LHFPL3: variants seen among roughly 807,000 people sequenced by gnomAD.
The protein encoded by LHFPL3 is LHFPL tetraspan subfamily member 3, also known as LHFPL tetraspan subfamily member 3 protein.
LHFPL3 carries 5 observed loss-of-function variants against 19.3 expected under a neutral mutation model. The observed-to-expected ratio is 0.26, with a 90% CI of 0.14 to 0.54. LHFPL3 has a LOEUF of 0.54. Among genes scored for constraint, LHFPL3 ranks in the 20% least tolerant of loss-of-function variants. The pLI is 0.94. For synonymous variants in LHFPL3, 133 were observed against 126.2 expected (o/e 1.05, Z -0.36); for missense variants, 249 against 307.4 (o/e 0.81, Z 1.42).
intron 1 of LHFPL3, among the ~76,000 whole-genome samples, chr7:104,645,954 C>T (rs1428961623): frequency 6.6e-6 from 1 of 152,134 alleles, no homozygotes; most frequent in East Asian, 1.9e-4. Flanking sequence ...AAGTACAATA[C>T]ACCTATGCTG....
chr7:104,745,474 T>C (rs1034562482), intron 2 of LHFPL3, among the ~76,000 whole-genome samples: 3 of 152,246 alleles, frequency 2.0e-5, no homozygotes, highest in Admixed American at 1.3e-4. Flanking sequence ...CTAATTAATA[T>C]AGTATGTTTC....
intron 1 of LHFPL3, among the ~76,000 whole-genome samples, chr7:104,375,567 A>G (rs541447303): frequency 5.3e-5 from 8 of 152,214 alleles, no homozygotes; most frequent in Non-Finnish European, 8.8e-5. Context: ...AAAGTAATCA[A>G]AATAGTATAA....
At chr7:104,685,844 C>G (rs1216030724) in intron 1 of LHFPL3, among the ~76,000 whole-genome samples, 1 of 152,314 alleles carries the variant, frequency 6.6e-6, no homozygotes, top group Admixed American at 6.5e-5. Flanking sequence ...TTCCTTCAGG[C>G]TAGTTGTTAA....
At chr7:104,457,958 G>A (rs1312626802) in intron 1 of LHFPL3, among the ~76,000 whole-genome samples, 2 of 141,640 alleles carry the variant, frequency 1.4e-5, no homozygotes, top group Non-Finnish European at 3.1e-5. Flanking sequence ...TTTTTGATGG[G>A]GTTGTTTGTT....
At chr7:104,485,764 C>T (rs1793223738) in intron 1 of LHFPL3, among the ~76,000 whole-genome samples, 1 of 152,100 alleles carries the variant, frequency 6.6e-6, no homozygotes, top group African/African-American at 2.4e-5. Flanking sequence ...TGCTCTCCCT[C>T]CCCCAGCCTC....
chr7:104,493,266 A>G (rs1000932971), intron 1 of LHFPL3, among the ~76,000 whole-genome samples: 5 of 151,850 alleles, frequency 3.3e-5, no homozygotes, highest in African/African-American at 1.2e-4. Flanking sequence ...TAGTTCTTCT[A>G]CTTCTTTGAT....
intron 1 of LHFPL3, among the ~76,000 whole-genome samples, chr7:104,603,910 A>G (rs1230390370): frequency 6.6e-6 from 1 of 152,082 alleles, no homozygotes; most frequent in African/African-American, 2.4e-5. Flanking sequence ...TGCTGAGTTT[A>G]CTCTACCCAG....
intron 1 of LHFPL3, among the ~76,000 whole-genome samples, chr7:104,615,211 C>G (rs1450631402): frequency 6.6e-6 from 1 of 152,178 alleles, no homozygotes; most frequent in Non-Finnish European, 1.5e-5. Flanking sequence ...GTTTGGCATA[C>G]CTTCTTCAGA....
At chr7:104,710,845 C>T (rs1397085626) in intron 1 of LHFPL3, among the ~76,000 whole-genome samples, 1 of 152,156 alleles carries the variant, frequency 6.6e-6, no homozygotes, top group African/African-American at 2.4e-5. Flanking sequence ...TCCAGTTTCC[C>T]TGACAATATT....
intron 2 of LHFPL3, among the ~76,000 whole-genome samples, chr7:104,853,158 C>A (rs1404861234): frequency 6.6e-6 from 1 of 152,214 alleles, no homozygotes; most frequent in Admixed American, 6.5e-5. Context: ...CTATTGCCCA[C>A]CTCGATCCAG....
At chr7:104,588,489 T>C (rs917652472) in intron 1 of LHFPL3, among the ~76,000 whole-genome samples, 6 of 152,234 alleles carry the variant, frequency 3.9e-5, no homozygotes, top group Non-Finnish European at 8.8e-5. Flanking sequence ...TCTGTTTTGG[T>C]ACCAGTACCA....
chr7:104,559,636 T>C (rs1789940932), intron 1 of LHFPL3, among the ~76,000 whole-genome samples: 1 of 152,178 alleles, frequency 6.6e-6, no homozygotes, highest in African/African-American at 2.4e-5. Flanking sequence ...ACAGGGACAA[T>C]TTGACTTCCT....
chr7:104,562,613 T>C (rs539743081), intron 1 of LHFPL3, among the ~76,000 whole-genome samples: 4 of 152,008 alleles, frequency 2.6e-5, no homozygotes, highest in African/African-American at 9.7e-5. Context: ...TCAACTTCTT[T>C]GCCTTTGGTT....
chr7:104,638,191 T>C (rs578006497), intron 1 of LHFPL3, among the ~76,000 whole-genome samples: 1 of 152,142 alleles, frequency 6.6e-6, no homozygotes, highest in Non-Finnish European at 1.5e-5. Context: ...GCTCTCAGCT[T>C]GGCTGTTGGT....
chr7:104,458,358 T>C (rs1322043125), intron 1 of LHFPL3, among the ~76,000 whole-genome samples: 11 of 152,190 alleles, frequency 7.2e-5, no homozygotes, highest in South Asian at 6.2e-4. Flanking sequence ...CCCAGCACCA[T>C]TTATTAAATA....
At chr7:104,522,586 G>A (rs1273557743) in intron 1 of LHFPL3, among the ~76,000 whole-genome samples, 10 of 152,118 alleles carry the variant, frequency 6.6e-5, no homozygotes, top group Non-Finnish European at 1.5e-4. Context: ...TGTACAAAGT[G>A]TAAGGAATTT....
intron 1 of LHFPL3, among the ~76,000 whole-genome samples, chr7:104,719,097 T>C (rs1017705896): frequency 1.3e-5 from 2 of 152,206 alleles, no homozygotes; most frequent in African/African-American, 4.8e-5. Context: ...TTGGTATTTA[T>C]TAAAATTTTT....
At chr7:104,599,458 T>C (rs1294947075) in intron 1 of LHFPL3, among the ~76,000 whole-genome samples, 1 of 152,226 alleles carries the variant, frequency 6.6e-6, no homozygotes, top group East Asian at 1.9e-4. Flanking sequence ...TGGTCCTCGA[T>C]TGGTCAACAC....
In LHFPL3 at chr7:104,833,363, G is replaced by GAT. The variant is rs781540080; in HGVS notation, c.683-72813_683-72812dup. 2.9e-3 allele frequency among the ~76,000 whole-genome samples: 3 copies of GAT among 1,026 alleles called. 1 individual carries two copies. In the East Asian group the frequency reaches 0.12, roughly 43 times the overall value. 0.7% of individuals were successfully genotyped at this position (1,026 alleles called of 152,430 possible). On this transcript the variant is annotated intron_variant, in intron 2 of 2. Coordinates refer to ENST00000424859, the MANE Select transcript of LHFPL3 (RefSeq NM_199000.3). ...TATATATATATTATATATATAATAG[G>GAT]ATATATATATATTATATATATAATA...
Sources: gnomAD v4.1 joint callset for allele counts (sites outside exome capture counted in the v4.1 genomes callset) on GRCh38, gnomAD v4.1.1 for gene constraint, MANE v1.5 for transcripts, NCBI Gene and HGNC (gene_info 2026-07-23, HGNC 2026-07-21) for gene names.